Variants in ABCC1 observed in about 807,000 individuals in gnomAD.
The protein encoded by ABCC1 is ATP binding cassette subfamily C member 1 (ABCC1 blood group).
In ABCC1, 83 loss-of-function variants were observed where a neutral mutation model predicts 172.9. The ratio of observed to expected loss-of-function variants is 0.48; its 90% CI spans 0.40 to 0.58. ABCC1 has a LOEUF of 0.58. Among genes scored for constraint, ABCC1 ranks in the 20% least tolerant of loss-of-function variants. The pLI is 0.00. For missense variants in ABCC1, 1,817 were observed against 2,002.7 expected, an observed-to-expected ratio of 0.91 and a Z score of 1.77; for synonymous variants, 937 against 825.2, an observed-to-expected ratio of 1.14 and a Z score of -2.32.
intron 1 of ABCC1, among the ~76,000 whole-genome samples, chr16:15,994,896 T>A (rs929491718): frequency 9.2e-5 from 14 of 151,420 alleles, no homozygotes; most frequent in Admixed American, 9.2e-4. Context: ...CCCTAGTAGC[T>A]GGGATTAGGG....
At chr16:16,019,332 G>A (rs35747063) in intron 5 of ABCC1, among the ~76,000 whole-genome samples, 18,574 of 152,070 alleles carry the variant, frequency 0.12, 1,541 homozygotes, top group African/African-American at 0.23. Context: ...TCGAACTCCT[G>A]ACCTCAAGTG....
intron 1 of ABCC1, among the ~76,000 whole-genome samples, chr16:15,982,826 G>GAAAAA (rs1272269895): frequency 1.4e-3 from 59 of 43,652 alleles, no homozygotes; most frequent in Middle Eastern, 0.01. Flanking sequence ...AAAAAAAAAG[G>GAAAAA]AAATCCATTC....
chr16:16,056,461 G>GT (rs2049659674), intron 12 of ABCC1, 166 bp downstream of exon 12: 1 of 703,824 alleles, frequency 1.4e-6, no homozygotes, highest in Non-Finnish European at 2.3e-6. Flanking sequence ...GAGGTCAGGA[G>GT]TTCAAGACCA....
intron 1 of ABCC1, among the ~76,000 whole-genome samples, chr16:15,976,345 T>C (rs1018093886): frequency 1.3e-5 from 2 of 152,178 alleles, no homozygotes; most frequent in African/African-American, 2.4e-5. Flanking sequence ...GGGACTGTTG[T>C]TAATGCCTTT....
chr16:16,131,818 G>A lies in ABCC1; in HGVS notation c.3849G>A (p.Pro1283=), dbSNP rs372055534. Residue 1283 remains proline (P), a synonymous_variant, in exon 27 of 31, where the codon CCG becomes CCA. Coordinates refer to ENST00000399410, the MANE Select transcript of ABCC1 (RefSeq NM_004996.4). Reference sequence around the variant, plus strand: ...CCTGGCAAATCCAGGAGACAGCTCCGCCCAGCAGCTGGCCCCAGGTGGGCC... The same window carrying A: ...CCTGGCAAATCCAGGAGACAGCTCCACCCAGCAGCTGGCCCCAGGTGGGCC... ...EAPWQIQETA[P]PSSWPQVGRV... is the part of the protein sequence containing the mutation. 6.9e-5 allele frequency: 111 copies of A among 1,614,048 alleles called. No individual in the cohort carries two copies. Among genetic ancestry groups the A allele is most frequent in the Non-Finnish European group, 8.2e-5 (97 of 1,179,984 alleles).
chr16:15,969,858 AG>A (rs2046327622), intron 1 of ABCC1, among the ~76,000 whole-genome samples: 1 of 152,020 alleles, frequency 6.6e-6, no homozygotes, highest in Non-Finnish European at 1.5e-5. Flanking sequence ...ACAGTCTCTG[AG>A]GGTCCTGCAT....
chr16:16,041,961 G>A (rs1467921441), intron 7 of ABCC1, among the ~76,000 whole-genome samples: 36 of 152,110 alleles, frequency 2.4e-4, no homozygotes, highest in Admixed American at 2.4e-3. Flanking sequence ...GCCGGGTGTG[G>A]TGGCGCTCAC....
At chr16:16,013,605 A>G (rs2151751720) in intron 3 of ABCC1, among the ~76,000 whole-genome samples, 1 of 152,038 alleles carries the variant, frequency 6.6e-6, no homozygotes, top group Non-Finnish European at 1.5e-5. Context: ...CGTTGGAGAC[A>G]CAACCATATA....
In ABCC1 at chr16:16,009,847, C is replaced by T; in HGVS notation, c.297C>T (p.Gly99=). ...LFYSFWERSR[G]IFLAPVFLVS... ...ACTCTTTCTGGGAAAGAAGTCGGGG[C>T]ATATTCCTGGCCCCAGTGTTTCTGG... Residue 99 remains glycine, a synonymous_variant, in exon 3 of 31, where the codon GGC becomes GGT. Coordinates refer to ENST00000399410, the MANE Select transcript of ABCC1 (RefSeq NM_004996.4). 6 of 1,611,900 alleles carry T rather than the reference C, an allele frequency of 3.7e-6. No individual in the cohort carries two copies. Among genetic ancestry groups the T allele is most frequent in the Non-Finnish European group, 5.1e-6 (6 of 1,179,236 alleles).
rs570200462 is a variant in ABCC1, at chr16:16,038,713, C to G, written c.809+2110C>G. Among the ~76,000 whole-genome samples the G allele has an allele frequency of 9.2e-5, 14 of 152,330 alleles. No individual in the cohort carries two copies. The South Asian group carries it at 2.7e-3, about 29-fold the overall frequency. ...TGACCCCTAACATCACCCATCTCAT[C>G]TGGATTCCTTCAGCCTCACCTGCAG... is the stretch of plus-strand genomic sequence containing the variant. On this transcript the variant is annotated intron_variant, in intron 7 of 30. Transcript: ENST00000399410.
chr16:15,969,905 G>C (rs1214253893), intron 1 of ABCC1, among the ~76,000 whole-genome samples: 1 of 152,090 alleles, frequency 6.6e-6, no homozygotes, highest in Non-Finnish European at 1.5e-5. Flanking sequence ...GAATCGAGCG[G>C]TATACAGAGC....
At chr16:15,963,871 A>G (rs2046190376) in intron 1 of ABCC1, among the ~76,000 whole-genome samples, 2 of 151,920 alleles carry the variant, frequency 1.3e-5, no homozygotes, top group South Asian at 4.1e-4. Context: ...TACTTTTGCA[A>G]GTTTCTGCAG....
intron 24 of ABCC1, among the ~76,000 whole-genome samples, chr16:16,124,097 A>G (rs17289158): frequency 0.023 from 3,428 of 152,308 alleles, 65 homozygotes; most frequent in Middle Eastern, 0.044. Context: ...CTTTGAAATG[A>G]AGAGTCTGGG....
intron 28 of ABCC1, 57 bp from the exon 29 acceptor site, chr16:16,136,421 A>G: frequency 6.3e-7 from 1 of 1,593,466 alleles, no homozygotes; most frequent in Non-Finnish European, 8.6e-7. Flanking sequence ...GGTCGCCTCC[A>G]TCCATGTCAG....
intron 16 of ABCC1, 78 bp downstream of exon 16, chr16:16,079,556 T>C (rs1204318383): frequency 2.6e-6 from 4 of 1,528,814 alleles, no homozygotes; most frequent in Non-Finnish European, 2.7e-6. Context: ...TGGTGTTTCT[T>C]TTGACTGTCC....
intron 14 of ABCC1, 135 bp downstream of exon 14, chr16:16,071,864 G>T: frequency 3.9e-6 from 3 of 769,218 alleles, no homozygotes; most frequent in Non-Finnish European, 6.5e-6. Flanking sequence ...CGAGACCCCG[G>T]GGGACAAGGG....
chr16:15,996,122 C>G (rs1314169323), intron 1 of ABCC1, among the ~76,000 whole-genome samples: 1 of 151,442 alleles, frequency 6.6e-6, no homozygotes, highest in Non-Finnish European at 1.5e-5. Flanking sequence ...GTAGCTGGGA[C>G]TACAGGCGCA....
chr16:16,055,504 C>G (rs1046429453), intron 11 of ABCC1, among the ~76,000 whole-genome samples: 1 of 151,188 alleles, frequency 6.6e-6, no homozygotes, highest in Non-Finnish European at 1.5e-5. Context: ...GAGCCAAGAT[C>G]GTGCTACTGC....
chr16:16,027,730 T>A (rs1597138496), intron 5 of ABCC1, among the ~76,000 whole-genome samples: 1 of 152,132 alleles, frequency 6.6e-6, no homozygotes. Context: ...GGAGGATCAC[T>A]TGAACCTGGG....
Sources: allele counts gnomAD v4.1 joint callset (sites outside exome capture counted in the v4.1 genomes callset), GRCh38; gene constraint gnomAD v4.1.1; transcripts MANE v1.5; gene names NCBI Gene and HGNC (gene_info 2026-07-23, HGNC 2026-07-21).